HIGD1C: variants seen among roughly 807,000 people sequenced by gnomAD.
HIGD1C encodes HIG1 hypoxia inducible domain family member 1C.
Under a neutral mutation model 13.1 loss-of-function variants are expected in HIGD1C, and 11 were observed. The ratio of observed to expected loss-of-function variants is 0.84; its 90% CI spans 0.53 to 1.39. The LOEUF is 1.39. Among genes scored for constraint, HIGD1C ranks in the 40% most tolerant of loss-of-function variants. The pLI is 0.00. For missense variants in HIGD1C, 110 were observed against 112.0 expected (o/e 0.98, Z 0.08); for synonymous variants, 36 against 37.7 (o/e 0.95, Z 0.17).
chr12:50,945,203 T>C, the HIGD1C span, among the ~76,000 whole-genome samples: 1 of 152,230 alleles, frequency 6.6e-6, no homozygotes, highest in African/African-American at 2.4e-5. Flanking sequence ...TCACCACTAC[T>C]ATTCAACATA....
At chr12:50,949,799 G>T (rs1938857468), upstream of HIGD1C, among the ~76,000 whole-genome samples, 1 of 152,006 alleles carries the variant, frequency 6.6e-6, no homozygotes, top group African/African-American at 2.4e-5. Flanking sequence ...CTCCCAAAGT[G>T]CTGGGATTAA....
At chr12:50,967,450 A>ATTT (rs1289553208) in intron 2 of HIGD1C, among the ~76,000 whole-genome samples, 1 of 151,906 alleles carries the variant, frequency 6.6e-6, no homozygotes, top group Admixed American at 6.6e-5. Context: ...CCTGGCCTTT[A>ATTT]TTTTTTGTAG....
the HIGD1C span, among the ~76,000 whole-genome samples, chr12:50,943,790 G>A: frequency 6.6e-6 from 1 of 151,670 alleles, no homozygotes; most frequent in Admixed American, 6.6e-5. Context: ...CACCTTTCCA[G>A]TGGGCTCTAA....
At chr12:50,932,674 T>C in the HIGD1C span, among the ~76,000 whole-genome samples, 1 of 152,182 alleles carries the variant, frequency 6.6e-6, no homozygotes, top group South Asian at 2.1e-4. Flanking sequence ...ATCCTAGAAG[T>C]ATCAGAATGG....
the HIGD1C span, among the ~76,000 whole-genome samples, chr12:50,945,340 G>C: frequency 6.6e-6 from 1 of 152,146 alleles, no homozygotes. Context: ...AAATCCCATC[G>C]TCTCAGTCCA....
At chr12:50,963,369 CAAAAAAAAAA>C (rs35764288) in intron 2 of HIGD1C, among the ~76,000 whole-genome samples, 2 of 72,400 alleles carry the variant, frequency 2.8e-5, no homozygotes, top group Non-Finnish European at 2.7e-5. Flanking sequence ...GACTCCATCT[CAAAAAAAAAA>C]AAAAAAAAAA....
chr12:50,958,411 A>G (rs1472122333), intron 1 of HIGD1C, among the ~76,000 whole-genome samples: 1 of 149,912 alleles, frequency 6.7e-6, no homozygotes, highest in African/African-American at 2.5e-5. Flanking sequence ...CCTCCCGAGT[A>G]GCTGGGACTA....
At chr12:50,969,491 G>A (rs1939675789) in intron 2 of HIGD1C, among the ~76,000 whole-genome samples, 1 of 152,084 alleles carries the variant, frequency 6.6e-6, no homozygotes, top group South Asian at 2.1e-4. Context: ...CCTGAGGTCA[G>A]GAGTTCAAGA....
chr12:50,972,145 T>C (rs1939777509), downstream of HIGD1C, among the ~76,000 whole-genome samples: 1 of 152,246 alleles, frequency 6.6e-6, no homozygotes, highest in Admixed American at 6.5e-5. Flanking sequence ...AAGTCATCCT[T>C]TCATGTTGGT....
At chr12:50,950,653 A>C (rs1592244281), upstream of HIGD1C, among the ~76,000 whole-genome samples, 2 of 141,110 alleles carry the variant, frequency 1.4e-5, no homozygotes, top group African/African-American at 2.6e-5. Context: ...ACAGGCACGC[A>C]CCATCATGCC....
chr12:50,957,215 TC>T (rs1251501837), intron 1 of HIGD1C, among the ~76,000 whole-genome samples: 89 of 147,018 alleles, frequency 6.1e-4, no homozygotes, highest in African/African-American at 2.1e-3. Flanking sequence ...TGCTTTTTTT[TC>T]TTTTTTTTTT....
upstream of HIGD1C, among the ~76,000 whole-genome samples, chr12:50,952,333 G>A (rs185382635): frequency 3.5e-4 from 54 of 152,258 alleles, no homozygotes; most frequent in African/African-American, 1.3e-3. Flanking sequence ...CAGACACACA[G>A]TTCTTTGTAC....
At chr12:50,940,597 G>A in the HIGD1C span, among the ~76,000 whole-genome samples, 1 of 151,634 alleles carries the variant, frequency 6.6e-6, no homozygotes, top group Non-Finnish European at 1.5e-5. Flanking sequence ...AGTGGCACAT[G>A]TCCATAGTCT....
intron 2 of HIGD1C, among the ~76,000 whole-genome samples, chr12:50,963,349 G>A (rs1438412472): frequency 2.6e-5 from 3 of 114,388 alleles, no homozygotes; most frequent in Non-Finnish European, 5.1e-5. Context: ...CAGCCTGGGT[G>A]AAAGGGCAAG....
intron 1 of HIGD1C, among the ~76,000 whole-genome samples, chr12:50,956,723 A>G (rs1279811979): frequency 6.6e-6 from 1 of 152,176 alleles, no homozygotes; most frequent in African/African-American, 2.4e-5. Flanking sequence ...TTTTATAGCA[A>G]TGGCAGTTTT....
chr12:50,952,717 T>A (rs1404423673), upstream of HIGD1C, among the ~76,000 whole-genome samples: 1 of 152,216 alleles, frequency 6.6e-6, no homozygotes, highest in Non-Finnish European at 1.5e-5. Context: ...TACCGCCAGG[T>A]GAGCCCGGCG....
the HIGD1C span, among the ~76,000 whole-genome samples, chr12:50,942,002 C>T: frequency 3.9e-5 from 6 of 152,124 alleles, no homozygotes; most frequent in Admixed American, 3.9e-4. Flanking sequence ...GATGCTCCCA[C>T]CTTAGCCTCC....
intron 2 of HIGD1C, among the ~76,000 whole-genome samples, chr12:50,963,389 A>AG (rs576451269): frequency 1.6e-4 from 21 of 134,464 alleles, no homozygotes; most frequent in African/African-American, 5.5e-4. Context: ...AAAAAAAAAA[A>AG]AAAAGAAAAG....
the HIGD1C span, among the ~76,000 whole-genome samples, chr12:50,946,619 T>C: frequency 6.6e-6 from 1 of 152,144 alleles, no homozygotes; most frequent in Non-Finnish European, 1.5e-5. Flanking sequence ...AGGAACACTT[T>C]TACACTGTTG....
Sources: allele counts gnomAD v4.1 joint callset (sites outside exome capture counted in the v4.1 genomes callset), GRCh38; gene constraint gnomAD v4.1.1; transcripts MANE v1.5; gene names NCBI Gene and HGNC (gene_info 2026-07-23, HGNC 2026-07-21).